Variants in ZFYVE28 observed in about 807,000 individuals in gnomAD.
The protein encoded by ZFYVE28 is zinc finger FYVE-type containing 28.
Under a neutral mutation model 82.1 loss-of-function variants are expected in ZFYVE28, and 40 were observed. That is an observed-to-expected ratio of 0.49 (90% CI 0.38 to 0.63). ZFYVE28 has a LOEUF of 0.63. Among genes scored for constraint, ZFYVE28 ranks in the 30% least tolerant of loss-of-function variants. The probability of loss-of-function intolerance (pLI) is 0.00; values close to 1 mark genes in which losing one functional copy is unlikely to be tolerated. For synonymous variants in ZFYVE28, 612 were observed against 546.1 expected, an observed-to-expected ratio of 1.12 and a Z score of -1.68; for missense variants, 1,321 against 1,242.1, an observed-to-expected ratio of 1.06 and a Z score of -0.96.
Position 2,320,399 on chromosome 4 carries a change from C to CAA in ZFYVE28, c.702-129_702-128insTT. The CAA allele has an allele frequency of 2.9e-6, 2 of 684,128 alleles. No individual in the cohort carries two copies. The highest frequency in any genetic ancestry group is 5.0e-6 in the Non-Finnish European group (2 of 402,476). 42.4% of individuals were successfully genotyped at this position (684,128 alleles called of 1,614,324 possible). A position where few individuals can be genotyped will look rare whatever the true frequency, so the allele number is the denominator to read the frequency against. ...CTGCAGCGCCACTGTCCCAGCACGGCCGCCGCCTCATGCTTTGCCTTGTGT... is the reference window on the plus strand; with the variant it reads ...CTGCAGCGCCACTGTCCCAGCACGGCAACGCCGCCTCATGCTTTGCCTTGTGT... On this transcript the variant is annotated intron_variant, in intron 6 of 12. Coordinates refer to ENST00000290974, the MANE Select transcript of ZFYVE28 (RefSeq NM_020972.3). The surrounding 1 kb of genome is among the most constrained non-coding windows in gnomAD (Gnocchi z 5.1).
chr4:2,414,968 C>G (rs1732880517), intron 1 of ZFYVE28, among the ~76,000 whole-genome samples: 1 of 152,224 alleles, frequency 6.6e-6, no homozygotes, highest in African/African-American at 2.4e-5. Context: ...GCAGGACAAG[C>G]TGACAGGTTT....
rs773079911 is a variant in ZFYVE28 at position 2,271,751 on chromosome 4, C to T, written c.2352G>A (p.Leu784=). Residue 784 remains leucine (L), a synonymous_variant, in exon 11 of 13, where the codon TTG becomes TTA. Coordinates refer to ENST00000290974, the MANE Select transcript of ZFYVE28 (RefSeq NM_020972.3). ...KVTQTLRSAA[L]EDCALCQETL... ...TCTCCTGGCACAGTGCACAGTCCTC[C>T]AAGGCCGCACTCCGCAGAGTCTGGG... The T allele has an allele frequency of 1.9e-6, 3 of 1,613,686 alleles. No homozygotes were observed. The East Asian group carries it at 6.7e-5, about 36-fold the overall frequency.
At chr4:2,403,724 G>T (rs889414788) in intron 1 of ZFYVE28, among the ~76,000 whole-genome samples, 1 of 152,120 alleles carries the variant, frequency 6.6e-6, no homozygotes, top group Non-Finnish European at 1.5e-5. Context: ...CAGCACTTTG[G>T]GACGCCAAGG....
In ZFYVE28 at chr4:2,414,503, A is replaced by C. The variant is rs80053934; in HGVS notation, c.39+3782T>G. Among the ~76,000 whole-genome samples the C allele has an allele frequency of 2.7e-3, 408 of 152,286 alleles. 1 individual carries two copies. Among genetic ancestry groups the C allele is most frequent in the African/African-American group, 9.5e-3 (393 of 41,552 alleles). On this transcript the variant is annotated intron_variant, in intron 1 of 12. Coordinates refer to ENST00000290974, the MANE Select transcript of ZFYVE28 (RefSeq NM_020972.3). The stretch of plus-strand genomic sequence containing the variant: ...ACAAAGCGGGGGGACAAGAAAGGTT[A>C]ATAGCCCCCACTCTGAAAACGGTCT...
chr4:2,350,202 C>A (rs543077077), intron 2 of ZFYVE28, among the ~76,000 whole-genome samples: 1 of 152,188 alleles, frequency 6.6e-6, no homozygotes, highest in Non-Finnish European at 1.5e-5. Context: ...CAGTGGCTCA[C>A]GCCTGTAATC....
intron 1 of ZFYVE28, among the ~76,000 whole-genome samples, chr4:2,392,331 T>C (rs749234597): frequency 2.0e-4 from 31 of 152,272 alleles, no homozygotes; most frequent in South Asian, 8.3e-4. Flanking sequence ...CCTAAACAAG[T>C]AGAGCCCAGT....
Position 2,305,078 on chromosome 4 carries a change from C to T in ZFYVE28, c.1262G>A (p.Gly421Asp), listed in dbSNP as rs772217422. The change falls in exon 8 of 13, where the codon GGC (glycine) becomes GAC (aspartate). Residue 421 changes from glycine (G) to aspartate (D), a missense_variant. Coordinates refer to ENST00000290974, the MANE Select transcript of ZFYVE28 (RefSeq NM_020972.3). ...GGTACTGCCTGCCCACCCAAATGGG[C>T]CAGCTGGGGACTCGGGCCTGGCCAG... is the stretch of plus-strand genomic sequence containing the variant. ...EALARPESPAGPFGWAGSTWA... is the reference protein window; with the variant it reads ...EALARPESPADPFGWAGSTWA... The T allele has an allele frequency of 6.2e-7, 1 of 1,608,994 alleles. No individual in the cohort carries two copies. Among genetic ancestry groups the T allele is most frequent in the Non-Finnish European group, 8.5e-7 (1 of 1,177,592 alleles).
intron 1 of ZFYVE28, among the ~76,000 whole-genome samples, chr4:2,366,431 C>T (rs1726896125): frequency 6.6e-6 from 1 of 152,146 alleles, no homozygotes; most frequent in South Asian, 2.1e-4. Context: ...GTTTAGACAC[C>T]CCAACAAATC....
At chr4:2,386,855 C>G (rs1729306840) in intron 1 of ZFYVE28, among the ~76,000 whole-genome samples, 1 of 152,286 alleles carries the variant, frequency 6.6e-6, no homozygotes, top group East Asian at 1.9e-4. Context: ...CTGCTGAGGC[C>G]ATGCCCGCCC....
chr4:2,300,512 A>C lies in ZFYVE28; in HGVS notation c.2051+3777T>G, dbSNP rs1336581877. ...GACGATGTCCGGACTCCCAGGTGAC[A>C]GCACCTGAGGAAACGCTCCAGAGAG... On this transcript the variant is annotated intron_variant, in intron 8 of 12. Transcript: ENST00000290974. The surrounding 1 kb of genome is among the most constrained non-coding windows in gnomAD (Gnocchi z 4.6). Among the ~76,000 whole-genome samples, 3 of 152,184 alleles carry C rather than the reference A, an allele frequency of 2.0e-5. No homozygotes were observed. Among genetic ancestry groups the C allele is most frequent in the African/African-American group, 7.2e-5 (3 of 41,442 alleles).
chr4:2,270,828 G>A lies in ZFYVE28; in HGVS notation c.2561C>T (p.Ser854Leu). 2 of 1,613,016 alleles carry A rather than the reference G, an allele frequency of 1.2e-6. No individual in the cohort carries two copies. The highest frequency in any genetic ancestry group is 1.7e-6 in the Non-Finnish European group (2 of 1,179,942). Residue 854 changes from serine to leucine, a missense_variant, in exon 13 of 13, where the codon TCA (serine) becomes TTA (leucine). Physicochemically the swap from Ser to Leu is moderately radical, Grantham distance 145 (BLOSUM62 -2). Around this residue, in one of 2 missense-constraint regions of ZFYVE28, gnomAD observed 978 missense variants for 833.7 expected, o/e 1.17. Coordinates refer to ENST00000290974, the MANE Select transcript of ZFYVE28 (RefSeq NM_020972.3). The part of the protein sequence containing the change: ...KIFCSRCSSH[S>L]APLPRYGQVK... ...CTGCCCGTAGCGGGGCAGCGGTGCT[G>A]AGTGCGAGGAGCAGCGCGAGCAGAA...
chr4:2,364,534 C>T (rs897786566), intron 1 of ZFYVE28: 2 of 985,402 alleles, frequency 2.0e-6, no homozygotes, highest in Admixed American at 6.1e-5. Context: ...AGCCCAGACG[C>T]AACAGGAGCC....
chr4:2,272,145 G>A (rs992510574), intron 10 of ZFYVE28, among the ~76,000 whole-genome samples: 4 of 152,236 alleles, frequency 2.6e-5, no homozygotes, highest in Non-Finnish European at 5.9e-5. Context: ...ATTTCCAGAA[G>A]GCAGTCCTGC....
At chr4:2,290,703 GGC>G (rs1168284220) in intron 8 of ZFYVE28, among the ~76,000 whole-genome samples, 3 of 152,132 alleles carry the variant, frequency 2.0e-5, no homozygotes, top group Admixed American at 1.3e-4. Context: ...GTGGGGCAGG[GGC>G]CAGGCCAGGG....
chr4:2,396,144 T>C lies in ZFYVE28; in HGVS notation c.39+22141A>G, dbSNP rs1431585005. Among the ~76,000 whole-genome samples, 3 of 26,046 alleles carry C rather than the reference T, an allele frequency of 1.2e-4. 1 individual carries two copies. The Admixed American group carries it at 2.0e-3, about 18-fold the overall frequency. 17.1% of individuals were successfully genotyped at this position (26,046 alleles called of 152,430 possible). A position where few individuals can be genotyped will look rare whatever the true frequency, so the allele number is the denominator to read the frequency against. ...CCACAAGGCGGGGTGTCTGAGCTGATGGGACCAGCCATCCTGCAGAGGGGA... is the reference window on the plus strand; with the variant it reads ...CCACAAGGCGGGGTGTCTGAGCTGACGGGACCAGCCATCCTGCAGAGGGGA... On this transcript the variant is annotated intron_variant, in intron 1 of 12. Transcript: ENST00000290974.
chr4:2,367,691 C>T (rs1727033710), intron 1 of ZFYVE28, among the ~76,000 whole-genome samples: 1 of 152,226 alleles, frequency 6.6e-6, no homozygotes, highest in African/African-American at 2.4e-5. Context: ...CAACAGCCGG[C>T]CCAGGATGCT....
In ZFYVE28 at chr4:2,320,322, T is replaced by A. The variant is rs761763127; in HGVS notation, c.702-51A>T. On this transcript the variant is annotated intron_variant, in intron 6 of 12. Transcript: ENST00000290974. The surrounding 1 kb of genome is among the most constrained non-coding windows in gnomAD (Gnocchi z 5.1). ...ATGTCAGGCCCTGTGGCCCCCTGGG[T>A]GCCGCGGACGGCCCAACTTAACCAC... is the stretch of plus-strand genomic sequence containing the variant. 7.7e-6 allele frequency: 12 copies of A among 1,555,804 alleles called. No individual in the cohort carries two copies. The highest frequency in any genetic ancestry group is 1.1e-5 in the South Asian group (1 of 87,046).
rs1488259874 is a variant in ZFYVE28 at position 2,408,788 on chromosome 4, C to T, written c.39+9497G>A. ...ACTGTGAGTCCTGCCCATATAAGCC[C>T]CACCTAGATGAAGCCACGCCCAGGT... On this transcript the variant is annotated intron_variant, in intron 1 of 12. Coordinates refer to ENST00000290974, the MANE Select transcript of ZFYVE28 (RefSeq NM_020972.3). The surrounding 1 kb of genome is among the most constrained non-coding windows in gnomAD (Gnocchi z 4.3). 3.3e-5 allele frequency among the ~76,000 whole-genome samples: 5 copies of T among 152,168 alleles called. No individual in the cohort carries two copies. The highest frequency in any genetic ancestry group is 6.5e-5 in the Admixed American group (1 of 15,278).
At chr4:2,292,935 A>G (rs887106379) in intron 8 of ZFYVE28, among the ~76,000 whole-genome samples, 2 of 152,210 alleles carry the variant, frequency 1.3e-5, no homozygotes, top group Admixed American at 1.3e-4. Context: ...AAAGGCTAAT[A>G]CCTCATGACC....
Sources: gnomAD v4.1 joint callset for allele counts (sites outside exome capture counted in the v4.1 genomes callset) on GRCh38, gnomAD v4.1.1 for gene constraint, gnomAD v4.1.1 regional missense constraint, Gnocchi (gnomAD v3.1) non-coding constraint, MANE v1.5 for transcripts, NCBI Gene and HGNC (gene_info 2026-07-23, HGNC 2026-07-21) for gene names.